RASSF3: variants seen among roughly 807,000 people sequenced by gnomAD.
The protein encoded by RASSF3 is ras association domain-containing protein 3.
RASSF3 carries 19 observed loss-of-function variants against 19.9 expected under a neutral mutation model. The observed-to-expected ratio is 0.96, with a 90% CI of 0.67 to 1.40. The LOEUF (loss-of-function observed/expected upper bound fraction) is 1.40. Ranked by LOEUF, RASSF3 falls within the 40% of genes most tolerant of loss-of-function variation. RASSF3 has a pLI of 0.00. For synonymous variants in RASSF3, 110 were observed against 104.2 expected (o/e 1.06, Z -0.34); for missense variants, 306 against 289.8 (o/e 1.06, Z -0.41).
intron 1 of RASSF3, among the ~76,000 whole-genome samples, chr12:64,617,266 T>C (rs1870583891): frequency 6.6e-6 from 1 of 152,246 alleles, no homozygotes; most frequent in Non-Finnish European, 1.5e-5. Context: ...CTTTATATAC[T>C]TTCCCCTTGT....
intron 1 of RASSF3, among the ~76,000 whole-genome samples, chr12:64,679,364 A>G (rs1412444070): frequency 6.6e-6 from 1 of 152,202 alleles, no homozygotes; most frequent in Non-Finnish European, 1.5e-5. Flanking sequence ...CAGCCTGAAC[A>G]GTCACTCTTA....
At chr12:64,518,245 CATCT>C (rs1219218769) in intron 1 of RASSF3, among the ~76,000 whole-genome samples, 1 of 152,082 alleles carries the variant, frequency 6.6e-6, no homozygotes, top group African/African-American at 2.4e-5. Context: ...TCATATACTC[CATCT>C]GTTAGTCCAT....
intron 2 of RASSF3, among the ~76,000 whole-genome samples, chr12:64,604,129 C>CTT (rs201730918): frequency 7.9e-6 from 1 of 126,002 alleles, no homozygotes; most frequent in Admixed American, 8.0e-5. Flanking sequence ...TACAGGTTTT[C>CTT]TTTTTTTTTT....
intron 2 of RASSF3, among the ~76,000 whole-genome samples, chr12:64,586,448 CCACTGCACTCCA>C: frequency 7.5e-6 from 1 of 132,546 alleles, no homozygotes. Context: ...TGAGATTGTG[CCACTGCACTCCA>C]GCCCAAGCAA....
At chr12:64,691,398 G>A in intron 3 of RASSF3, 72 bp from the exon 4 acceptor site, 1 of 987,296 alleles carries the variant, frequency 1.0e-6, no homozygotes, top group Non-Finnish European at 1.6e-6. Flanking sequence ...TCTGGAGGAG[G>A]GGATCACAAT....
upstream of RASSF3, among the ~76,000 whole-genome samples, chr12:64,532,945 C>T (rs1275777167): frequency 6.6e-6 from 1 of 152,212 alleles, no homozygotes; most frequent in Non-Finnish European, 1.5e-5. Flanking sequence ...TCACACAGCT[C>T]ACCTAAAGTG....
Position 64,593,335 on chromosome 12 carries a change from C to CTT in RASSF3, c.294+51630_294+51631insTT, listed in dbSNP as rs1592411313. 2.6e-5 allele frequency among the ~76,000 whole-genome samples: 4 copies of CTT among 152,274 alleles called. No individual in the cohort carries two copies. In the East Asian group the frequency reaches 7.7e-4, roughly 29 times the overall value. ...TTCTGGGGTTCAAGCAATTCTCCTG[C>CTT]CTCAGCCTCCCAAGTAGCTGGGACT... On this transcript the variant is annotated intron_variant, in intron 2 of 5. Coordinates refer to the RASSF3 transcript ENST00000637125.
upstream of RASSF3, among the ~76,000 whole-genome samples, chr12:64,529,515 G>T (rs577019690): frequency 3.3e-5 from 5 of 152,240 alleles, no homozygotes; most frequent in South Asian, 8.3e-4. Flanking sequence ...CTAGCTGTGG[G>T]CCTAGAGCTG....
chr12:64,590,497 A>G (rs967242142), intron 2 of RASSF3, among the ~76,000 whole-genome samples: 1 of 152,214 alleles, frequency 6.6e-6, no homozygotes, highest in Admixed American at 6.5e-5. Flanking sequence ...AGATGAACAC[A>G]TATACACACA....
intron 1 of RASSF3, among the ~76,000 whole-genome samples, chr12:64,676,333 A>T (rs1358292228): frequency 1.3e-5 from 2 of 151,044 alleles, no homozygotes; most frequent in Admixed American, 1.3e-4. Flanking sequence ...ACACTGGGCT[A>T]ATTTTTTGTA....
intron 2 of RASSF3, among the ~76,000 whole-genome samples, chr12:64,599,737 A>C (rs918337828): frequency 2.6e-5 from 4 of 152,124 alleles, no homozygotes; most frequent in African/African-American, 4.8e-5. Flanking sequence ...GAGCGCTCAA[A>C]ATACTGCCTG....
intron 2 of RASSF3, among the ~76,000 whole-genome samples, chr12:64,582,540 G>A (rs1246968087): frequency 6.6e-6 from 1 of 152,196 alleles, no homozygotes; most frequent in East Asian, 1.9e-4. Flanking sequence ...ATTCAGATTG[G>A]AAACAAAGTC....
At chr12:64,537,543 C>G (rs967854618) in intron 1 of RASSF3, among the ~76,000 whole-genome samples, 1 of 152,112 alleles carries the variant, frequency 6.6e-6, no homozygotes, top group Admixed American at 6.6e-5. Context: ...TAAACAACTC[C>G]CAATCTCCCA....
chr12:64,585,037 C>A (rs1869771822), intron 2 of RASSF3, among the ~76,000 whole-genome samples: 1 of 151,858 alleles, frequency 6.6e-6, no homozygotes, highest in South Asian at 2.1e-4. Flanking sequence ...AGGCGCATGC[C>A]ACCATGCCCA....
intron 1 of RASSF3, among the ~76,000 whole-genome samples, chr12:64,619,183 G>C (rs1870657133): frequency 6.6e-6 from 1 of 152,086 alleles, no homozygotes; most frequent in African/African-American, 2.4e-5. Flanking sequence ...GGATGGATGT[G>C]GGGGTACCAG....
In RASSF3 at chr12:64,697,399, T is replaced by C. The variant is rs1170350538; in HGVS notation, c.*2487T>C. 6.6e-6 allele frequency: 1 copy of C among 152,198 alleles called. No individual in the cohort carries two copies. The highest frequency in any genetic ancestry group is 6.5e-5 in the Admixed American group (1 of 15,274). The allele number at this position is 152,198 out of a possible 1,614,324, so 9.4% of individuals were successfully genotyped here. ...GTGATGGTACAGGAAGGATGTTAAATGAAGGGGTGGTATTGCAGGAGAGCA... is the reference window on the plus strand; with the variant it reads ...GTGATGGTACAGGAAGGATGTTAAACGAAGGGGTGGTATTGCAGGAGAGCA... On this transcript the variant is annotated 3_prime_UTR_variant, in exon 5 of 5. Transcript: ENST00000542104.
Position 64,626,488 on chromosome 12 carries a change from CAAAAAAAAA to C in RASSF3, c.111+15754_111+15762del, listed in dbSNP as rs36122537. On this transcript the variant is annotated intron_variant, in intron 1 of 4. Transcript: ENST00000542104. ...GGGCAACAGAGTGAGACTCTTGTCT[CAAAAAAAAA>C]AAAAAAAAGAAAAAAAAAGAAAAAG... Among the ~76,000 whole-genome samples the C allele has an allele frequency of 2.6e-5, 2 of 76,856 alleles. 1 individual carries two copies. Among genetic ancestry groups the C allele is most frequent in the African/African-American group, 8.9e-5 (2 of 22,550 alleles). 50.4% of individuals were successfully genotyped at this position (76,856 alleles called of 152,430 possible). A position where few individuals can be genotyped will look rare whatever the true frequency, so the allele number is the denominator to read the frequency against.
intron 2 of RASSF3, among the ~76,000 whole-genome samples, chr12:64,604,522 G>A (rs938052114): frequency 1.3e-5 from 2 of 152,146 alleles, no homozygotes; most frequent in African/African-American, 4.8e-5. Context: ...CAAAATGGAA[G>A]CAACCAGGGT....
intron 1 of RASSF3, among the ~76,000 whole-genome samples, chr12:64,513,762 G>A (rs968780352): frequency 6.6e-6 from 1 of 152,166 alleles, no homozygotes; most frequent in African/African-American, 2.4e-5. Context: ...AGACAAACCT[G>A]TAGACCATGC....
Sources: allele counts gnomAD v4.1 joint callset (sites outside exome capture counted in the v4.1 genomes callset), GRCh38; gene constraint gnomAD v4.1.1; transcripts MANE v1.5; gene names NCBI Gene and HGNC (gene_info 2026-07-23, HGNC 2026-07-21).